The following CYFIP1 variants were observed in gnomAD, a reference collection of about 807,000 sequenced individuals.
CYFIP1 encodes the protein cytoplasmic FMR1 interacting protein 1, also known as cytoplasmic FMR1-interacting protein 1.
Under a neutral mutation model 163.5 loss-of-function variants are expected in CYFIP1, and 58 were observed. The observed-to-expected ratio is 0.35, with a 90% CI of 0.29 to 0.44. The LOEUF is 0.44. CYFIP1 is among the 20% of genes least tolerant of loss of function. The pLI is 1.00. For missense variants in CYFIP1, 1,338 were observed against 1,653.8 expected, an observed-to-expected ratio of 0.81 and a Z score of 3.31; for synonymous variants, 663 against 660.7, an observed-to-expected ratio of 1.00 and a Z score of -0.05.
intron 22 of CYFIP1, among the ~76,000 whole-genome samples, chr15:22,900,774 C>T (rs2068759): frequency 0.018 from 2,712 of 152,084 alleles, 39 homozygotes; most frequent in Middle Eastern, 0.027. Context: ...CAGGCAGCTC[C>T]CACTGCCCAA....
At chr15:22,973,384 C>CCGTTCTTCA (rs77350411) in intron 1 of CYFIP1, among the ~76,000 whole-genome samples, 14,325 of 151,246 alleles carry the variant, frequency 0.095, 800 homozygotes, top group East Asian at 0.17. Context: ...CTTTTTCTAC[C>CCGTTCTTCA]CGTTCTTCAC....
intron 22 of CYFIP1, among the ~76,000 whole-genome samples, chr15:22,899,733 A>G (rs752710196): frequency 6.6e-6 from 1 of 152,116 alleles, no homozygotes; most frequent in Admixed American, 6.5e-5. Context: ...CATGTGGGCT[A>G]TGGGTTGTAC....
chr15:22,946,556 G>A (rs569337457), intron 3 of CYFIP1, among the ~76,000 whole-genome samples: 19 of 152,246 alleles, frequency 1.2e-4, no homozygotes, highest in African/African-American at 4.6e-4. Flanking sequence ...CACAAGAACT[G>A]CTTGAACCTG....
chr15:22,884,471 C>G (rs992408621), intron 23 of CYFIP1, among the ~76,000 whole-genome samples: 1 of 152,180 alleles, frequency 6.6e-6, no homozygotes, highest in Non-Finnish European at 1.5e-5. Flanking sequence ...CCTTTGACTC[C>G]GTGTCTCTCA....
In CYFIP1 at chr15:22,886,508, A is replaced by T. The variant is rs1387082065; in HGVS notation, c.2677-3497T>A. ...ATTTACATTTCATTCAATTCAATGT[A>T]TTTTTAAATTTCTCTTGAGATTTCC... is the stretch of plus-strand genomic sequence containing the variant. On this transcript the variant is annotated intron_variant, in intron 23 of 30. Coordinates refer to ENST00000617928, the MANE Select transcript of CYFIP1 (RefSeq NM_014608.6). 2.0e-5 allele frequency among the ~76,000 whole-genome samples: 3 copies of T among 152,220 alleles called. No homozygotes were observed. In the East Asian group the frequency reaches 5.8e-4, roughly 29 times the overall value.
chr15:22,893,992 G>A (rs565984749), intron 22 of CYFIP1, among the ~76,000 whole-genome samples: 3 of 152,168 alleles, frequency 2.0e-5, no homozygotes, highest in South Asian at 2.1e-4. Flanking sequence ...GAGGCGCTAC[G>A]GTCAGGGTGA....
chr15:22,933,908 CA>C lies in CYFIP1; in HGVS notation c.901-16del, dbSNP rs781124218. On this transcript the variant is annotated splice_polypyrimidine_tract_variant and intron_variant, in intron 9 of 30. Transcript: ENST00000617928. ...ACCTGGAGTTGCTGTATTCAAAGAA[CA>C]AAAAAATAGAGTCATTATGTATATT... The C allele has an allele frequency of 3.1e-5, 49 of 1,567,024 alleles. No individual in the cohort carries two copies. Among genetic ancestry groups the C allele is most frequent in the Admixed American group, 3.6e-5 (2 of 54,908 alleles).
intron 18 of CYFIP1, 102 bp downstream of exon 18, chr15:22,912,077 T>A: frequency 9.2e-7 from 1 of 1,081,192 alleles, no homozygotes; most frequent in Non-Finnish European, 1.3e-6. Context: ...TGGTTTATAC[T>A]GTCTTATATT....
intron 1 of CYFIP1, among the ~76,000 whole-genome samples, chr15:22,966,609 C>T (rs1355877629): frequency 1.3e-5 from 2 of 151,980 alleles, no homozygotes; most frequent in African/African-American, 4.8e-5. Context: ...CAGATAAATA[C>T]ACAAAAGCTT....
rs759159471 is a variant in CYFIP1 at position 22,916,794 on chromosome 15, G to A, written c.1675-164C>T. On this transcript the variant is annotated intron_variant, in intron 15 of 30. Transcript: ENST00000617928. ...TCCGGGTGCCTGTCTACGCGGCCAC[G>A]TTGCTGCTGCTTTGGGGAAAGAACA... The A allele has an allele frequency of 4.9e-5, 78 of 1,578,728 alleles. No homozygotes were observed. The Admixed American group carries it at 7.5e-4, about 15-fold the overall frequency.
intron 1 of CYFIP1, among the ~76,000 whole-genome samples, chr15:22,949,215 C>T (rs1054201770): frequency 2.0e-5 from 3 of 152,132 alleles, no homozygotes; most frequent in Admixed American, 1.3e-4. Flanking sequence ...GTGGGAGGGC[C>T]GCGGATTCCC....
At chr15:22,954,199 C>A (rs2062361669) in intron 1 of CYFIP1, among the ~76,000 whole-genome samples, 1 of 152,148 alleles carries the variant, frequency 6.6e-6, no homozygotes, top group South Asian at 2.1e-4. Flanking sequence ...GGGAAGACCA[C>A]GAGAGGACAC....
At position 22,944,605 on chromosome 15, in the gene CYFIP1, C is replaced by T; in HGVS notation, c.340G>A (p.Val114Ile). Residue 114 changes from valine to isoleucine, a missense_variant, in exon 5 of 31, where the codon GTT (valine) becomes ATT (isoleucine). Around this residue, in one of 4 missense-constraint regions of CYFIP1, gnomAD observed 186 missense variants for 288.3 expected, o/e 0.65. Transcript: ENST00000617928. The part of the protein sequence containing the change: ...RVEIYEKTVE[V>I]LEPEVTKLMN... ...AGTTTTGTGACCTCAGGCTCCAGAA[C>T]CTCCACGGTTTTCTCGTAGATTTCC... The T allele has an allele frequency of 6.2e-7, 1 of 1,613,848 alleles. No individual in the cohort carries two copies.
At chr15:22,953,718 CA>C (rs1202266919) in intron 1 of CYFIP1, among the ~76,000 whole-genome samples, 2 of 152,210 alleles carry the variant, frequency 1.3e-5, no homozygotes, top group Non-Finnish European at 2.9e-5. Flanking sequence ...GAACGGCATA[CA>C]AACTGTTCTG....
intron 27 of CYFIP1, among the ~76,000 whole-genome samples, chr15:22,874,916 G>A (rs1470728681): frequency 6.6e-6 from 1 of 152,070 alleles, no homozygotes; most frequent in Non-Finnish European, 1.5e-5. Flanking sequence ...CCCATCATCT[G>A]CTATAATTAT....
rs562147684 is a variant in CYFIP1 at position 22,935,511 on chromosome 15, C to A, written c.900+1593G>T. On this transcript the variant is annotated intron_variant, in intron 9 of 30. Transcript: ENST00000617928. ...AAACGTCTCATGAGCTGGATGGCTG[C>A]AAAGATTTATTTAGGTGGACATTAA... Among the ~76,000 whole-genome samples, 5 of 152,134 alleles carry A rather than the reference C, an allele frequency of 3.3e-5. No individual in the cohort carries two copies. In the East Asian group the frequency reaches 7.7e-4, roughly 23 times the overall value.
At chr15:22,962,978 C>A (rs145696747) in intron 1 of CYFIP1, among the ~76,000 whole-genome samples, 160 of 152,266 alleles carry the variant, frequency 1.1e-3, no homozygotes, top group African/African-American at 3.7e-3. Context: ...CATTCTTACA[C>A]ATGAATACCT....
rs1555409979 is a variant in CYFIP1, at chr15:22,921,784, A to AAAGAC, written c.1360-2927_1360-2926insGTCTT. On this transcript the variant is annotated intron_variant, in intron 13 of 30. Transcript: ENST00000617928. ...TGTCTCAAAAAAAAAAAAAAAAAAA[A>AAAGAC]AGAAGCACGAGTTACCAGCATTAAG... 3.9e-4 allele frequency among the ~76,000 whole-genome samples: 56 copies of AAAGAC among 142,208 alleles called. 1 individual carries two copies. The highest frequency in any genetic ancestry group is 8.9e-4 in the South Asian group (4 of 4,508). The allele number at this position is 142,208 out of a possible 152,430, so 93.3% of individuals were successfully genotyped here.
intron 1 of CYFIP1, among the ~76,000 whole-genome samples, chr15:22,956,685 G>A (rs1017209617): frequency 7.2e-5 from 11 of 152,242 alleles, no homozygotes; most frequent in African/African-American, 2.4e-4. Flanking sequence ...AAGGGGGAAC[G>A]GGTGGCCACA....
Sources: allele counts gnomAD v4.1 joint callset (sites outside exome capture counted in the v4.1 genomes callset), GRCh38; gene constraint gnomAD v4.1.1; regional missense constraint gnomAD v4.1.1; transcripts MANE v1.5; gene names NCBI Gene and HGNC (gene_info 2026-07-23, HGNC 2026-07-21).